Variants in C4BPA observed in about 807,000 individuals in gnomAD.
C4BPA encodes the protein C4b-binding protein alpha chain.
A neutral mutation model predicts 63.7 loss-of-function variants in C4BPA; 31 were observed. The observed-to-expected ratio is 0.49, with a 90% confidence interval of 0.37 to 0.66. The LOEUF is 0.66. C4BPA is among the 30% of genes least tolerant of loss of function. The pLI, the probability that C4BPA is intolerant of heterozygous loss-of-function variation, is 0.00. For synonymous variants in C4BPA, 259 were observed against 254.7 expected (o/e 1.02, Z -0.16); for missense variants, 572 against 723.3 (o/e 0.79, Z 2.40).
chr1:207,126,681 A>AT (rs1685051028), intron 6 of C4BPA, 32 bp from the exon 7 acceptor site: 1 of 1,559,834 alleles, frequency 6.4e-7, no homozygotes, highest in Non-Finnish European at 8.8e-7. Flanking sequence ...CTATCTTTTA[A>AT]AATCCACTTG....
intron 7 of C4BPA, among the ~76,000 whole-genome samples, chr1:207,128,648 G>A (rs890635213): frequency 6.6e-6 from 1 of 152,178 alleles, no homozygotes; most frequent in African/African-American, 2.4e-5. Flanking sequence ...GTTATCTCTG[G>A]CAGTTAAAAA....
chr1:207,115,338 G>A (rs768510741), intron 3 of C4BPA, 78 bp from the exon 4 acceptor site: 18 of 743,268 alleles, frequency 2.4e-5, no homozygotes, highest in Non-Finnish European at 4.0e-5. Context: ...GGTGAACCTT[G>A]GTTAATTTCT....
Position 207,131,532 on chromosome 1 carries a change from T to C in C4BPA, c.890-14T>C. 1.3e-6 allele frequency: 2 copies of C among 1,580,862 alleles called. No individual in the cohort carries two copies. Among genetic ancestry groups the C allele is most frequent in the Non-Finnish European group, 1.7e-6 (2 of 1,152,830 alleles). Reference sequence around the variant, plus strand: ...AGCGTCCTTTTGTTCTTCTTCTTCTTCTTTCATGAGTAGATAGTTGTATTA... The same window carrying C: ...AGCGTCCTTTTGTTCTTCTTCTTCTCCTTTCATGAGTAGATAGTTGTATTA... On this transcript the variant is annotated splice_polypyrimidine_tract_variant and intron_variant, in intron 7 of 11. Transcript: ENST00000367070.
At chr1:207,135,625 T>G (rs1471825660) in intron 9 of C4BPA, among the ~76,000 whole-genome samples, 6 of 152,214 alleles carry the variant, frequency 3.9e-5, no homozygotes, top group African/African-American at 1.4e-4. Context: ...GGGCCACTCA[T>G]GCTTCCATCC....
At chr1:207,141,613 A>G (rs2102366964) in intron 10 of C4BPA, among the ~76,000 whole-genome samples, 1 of 152,322 alleles carries the variant, frequency 6.6e-6, no homozygotes, top group Middle Eastern at 3.4e-3. Flanking sequence ...AACTTGCTCT[A>G]GTATGAATAT....
In C4BPA at chr1:207,113,284, A is replaced by G. The variant is rs1161208207; in HGVS notation, c.142+117A>G. 1.8e-5 allele frequency: 20 copies of G among 1,142,358 alleles called. No homozygotes were observed. The East Asian group carries it at 4.5e-4, about 26-fold the overall frequency. The allele number at this position is 1,142,358 out of a possible 1,614,324, so 70.8% of individuals were successfully genotyped here. ...TTCTAGCAGAGACCCAGCTTCATCA[A>G]CAAGTGGTTTATTTGACAGGCTAGA... On this transcript the variant is annotated intron_variant, in intron 2 of 11. Transcript: ENST00000367070.
chr1:207,113,031 C>A lies in C4BPA; in HGVS notation c.6C>A (p.His2Gln), dbSNP rs778462780. The A allele has an allele frequency of 6.3e-7, 1 of 1,588,822 alleles. No homozygotes were observed. Residue 2 changes from histidine (H) to glutamine (Q), a missense_variant, in exon 2 of 12, where the codon CAC (histidine) becomes CAA (glutamine). Around this residue, in one of 2 missense-constraint regions of C4BPA, gnomAD observed 107 missense variants for 93.9 expected, o/e 1.14. Transcript: ENST00000367070. ...CATCAGCGAAGCAGCAGGCCATGCA[C>A]CCCCCAAAAACTCCATCTGGGGCTC... M[H>Q]PPKTPSGALH...
intron 1 of C4BPA, among the ~76,000 whole-genome samples, chr1:207,110,899 T>A (rs1026381965): frequency 1.4e-4 from 21 of 151,170 alleles, no homozygotes; most frequent in African/African-American, 4.9e-4. Flanking sequence ...TTTCTACTCT[T>A]ATCCTTTTGA....
Position 207,119,056 on chromosome 1 carries a change from G to A in C4BPA, c.428+3541G>A, listed in dbSNP as rs182587723. Among the ~76,000 whole-genome samples the A allele has an allele frequency of 5.1e-3, 164 of 32,142 alleles. 1 individual carries two copies. The highest frequency in any genetic ancestry group is 9.6e-3 in the African/African-American group (159 of 16,584). The allele number at this position is 32,142 out of a possible 152,430, so 21.1% of individuals were successfully genotyped here. On this transcript the variant is annotated intron_variant, in intron 4 of 11. Coordinates refer to ENST00000367070, the MANE Select transcript of C4BPA (RefSeq NM_000715.4). ...CAAACTGGAACCTGCAAAGATGAGCGAGTAAAGCCCACCATTGTAAACTGG... is the reference window on the plus strand; with the variant it reads ...CAAACTGGAACCTGCAAAGATGAGCAAGTAAAGCCCACCATTGTAAACTGG...
chr1:207,137,785 T>A (rs918187567), intron 9 of C4BPA, among the ~76,000 whole-genome samples: 16 of 152,048 alleles, frequency 1.1e-4, no homozygotes, highest in African/African-American at 3.6e-4. Context: ...GCCCAGCTAA[T>A]TTTTGTATTT....
intron 11 of C4BPA, 58 bp downstream of exon 11, chr1:207,144,051 C>T: frequency 7.7e-7 from 1 of 1,298,602 alleles, no homozygotes; most frequent in East Asian, 2.4e-5. Context: ...TGGTGGCATC[C>T]CCCAGAGCTC....
chr1:207,138,151 A>T (rs941044121), intron 9 of C4BPA, among the ~76,000 whole-genome samples: 3 of 152,174 alleles, frequency 2.0e-5, no homozygotes, highest in Non-Finnish European at 2.9e-5. Flanking sequence ...AGTTTTCCCC[A>T]TCCGGACAGT....
chr1:207,134,916 G>A lies in C4BPA; in HGVS notation c.1273+324G>A, dbSNP rs374024806. Among the ~76,000 whole-genome samples, 12 of 152,196 alleles carry A rather than the reference G, an allele frequency of 7.9e-5. 1 individual carries two copies. The East Asian group carries it at 1.4e-3, about 17-fold the overall frequency. The stretch of plus-strand genomic sequence containing the variant: ...CTCAATCTGCAGAAGAAGAACTGTC[G>A]AAATCTATTGAATCTGCCTTTCTGA... On this transcript the variant is annotated intron_variant, in intron 9 of 11. Transcript: ENST00000367070.
chr1:207,118,412 G>A (rs889071950), intron 4 of C4BPA, among the ~76,000 whole-genome samples: 1 of 152,160 alleles, frequency 6.6e-6, no homozygotes, highest in African/African-American at 2.4e-5. Flanking sequence ...TGGCTGGTAA[G>A]GCCTCAGGAA....
chr1:207,112,977 T>A (rs763076702), intron 1 of C4BPA, 24 bp from the exon 2 acceptor site: 4 of 1,540,834 alleles, frequency 2.6e-6, no homozygotes, highest in African/African-American at 2.8e-5. Flanking sequence ...AATGACTATT[T>A]ATTAAATTGA....
intron 3 of C4BPA, 31 bp downstream of exon 3, chr1:207,114,316 C>T (rs56180080): frequency 1.3e-6 from 2 of 1,515,774 alleles, no homozygotes; most frequent in East Asian, 2.3e-5. Flanking sequence ...TTTTCCTTTG[C>T]TTTTCCTATC....
At chr1:207,109,331 C>T (rs949305287) in intron 1 of C4BPA, among the ~76,000 whole-genome samples, 3 of 152,342 alleles carry the variant, frequency 2.0e-5, no homozygotes, top group African/African-American at 7.2e-5. Context: ...AGTTTGGCTT[C>T]TGACAGAGTG....
intron 9 of C4BPA, among the ~76,000 whole-genome samples, chr1:207,140,168 C>CT (rs1558098128): frequency 6.6e-6 from 1 of 152,146 alleles, no homozygotes; most frequent in Admixed American, 6.6e-5. Flanking sequence ...CATTAATGAC[C>CT]TTTTTTGTCA....
chr1:207,125,834 C>T (rs1000593768), intron 6 of C4BPA, among the ~76,000 whole-genome samples: 2 of 152,138 alleles, frequency 1.3e-5, no homozygotes, highest in Admixed American at 1.3e-4. Flanking sequence ...CTGAAGGTGG[C>T]TTCAGCGGTA....
Sources: gnomAD v4.1 joint callset for allele counts (sites outside exome capture counted in the v4.1 genomes callset) on GRCh38, gnomAD v4.1.1 for gene constraint, gnomAD v4.1.1 regional missense constraint, MANE v1.5 for transcripts, NCBI Gene and HGNC (gene_info 2026-07-23, HGNC 2026-07-21) for gene names.